GTPBP10: variants seen among roughly 807,000 people sequenced by gnomAD.
GTPBP10 encodes the protein GTP-binding protein 10.
A neutral mutation model predicts 44.8 loss-of-function variants in GTPBP10; 38 were observed. That is an observed-to-expected ratio of 0.85 (90% CI 0.65 to 1.11). The LOEUF (loss-of-function observed/expected upper bound fraction) is 1.11, where lower values mean the gene tolerates loss of function less well. Among genes scored for constraint, GTPBP10 ranks in the 50% most tolerant of loss-of-function variants. GTPBP10 has a pLI of 0.00. For synonymous variants in GTPBP10, 152 were observed against 150.6 expected (o/e 1.01, Z -0.07); for missense variants, 462 against 453.7 (o/e 1.02, Z -0.17).
chr7:90,388,920 G>A lies in GTPBP10; in HGVS notation c.*3766G>A, dbSNP rs1003549633. Reference sequence around the variant, plus strand: ...ATCTACAAATTTGCATTGTCATTAAGATATATTAAAAATAATTTTTCAAAG... The same window carrying A: ...ATCTACAAATTTGCATTGTCATTAAAATATATTAAAAATAATTTTTCAAAG... On this transcript the variant is annotated 3_prime_UTR_variant, in exon 10 of 10. Coordinates refer to ENST00000222511, the MANE Select transcript of GTPBP10 (RefSeq NM_033107.4). 3 of 152,128 alleles carry A rather than the reference G, an allele frequency of 2.0e-5. No individual in the cohort carries two copies. The highest frequency in any genetic ancestry group is 7.2e-5 in the African/African-American group (3 of 41,418). The allele number at this position is 152,128 out of a possible 1,614,324, so 9.4% of individuals were successfully genotyped here.
At chr7:90,372,435 C>T (rs1280034150) in intron 5 of GTPBP10, among the ~76,000 whole-genome samples, 3 of 145,276 alleles carry the variant, frequency 2.1e-5, no homozygotes, top group Admixed American at 6.9e-5. Context: ...CTGCATCAGC[C>T]TCCCATGTAG....
At chr7:90,369,496 A>G (rs1796212162) in intron 4 of GTPBP10, among the ~76,000 whole-genome samples, 2 of 152,108 alleles carry the variant, frequency 1.3e-5, no homozygotes, top group East Asian at 1.9e-4. Flanking sequence ...TGTCAGCACA[A>G]AACCGCCTCC....
At chr7:90,373,845 A>G in intron 5 of GTPBP10, among the ~76,000 whole-genome samples, 1 of 152,174 alleles carries the variant, frequency 6.6e-6, no homozygotes, top group East Asian at 1.9e-4. Flanking sequence ...AATACTATTT[A>G]TTCATTTATT....
At chr7:90,368,620 G>T (rs1029817880) in intron 4 of GTPBP10, among the ~76,000 whole-genome samples, 4 of 152,058 alleles carry the variant, frequency 2.6e-5, no homozygotes, top group African/African-American at 4.8e-5. Context: ...CGAAGTTCTC[G>T]TGCTGTGGTT....
At position 90,388,724 on chromosome 7, in the gene GTPBP10, A is replaced by G. The variant is rs1311031050; in HGVS notation, c.*3570A>G. The G allele has an allele frequency of 2.0e-5, 3 of 152,160 alleles. No homozygotes were observed. The highest frequency in any genetic ancestry group is 4.4e-5 in the Non-Finnish European group (3 of 68,004). The allele number at this position is 152,160 out of a possible 1,614,324, so 9.4% of individuals were successfully genotyped here. On this transcript the variant is annotated 3_prime_UTR_variant, in exon 10 of 10. Transcript: ENST00000222511. Reference sequence around the variant, plus strand: ...CTTGTAAAGTTATGTGTTTTCTTTTATCTCAGTGCTTATTTGCTTTGCAAG... The same window carrying G: ...CTTGTAAAGTTATGTGTTTTCTTTTGTCTCAGTGCTTATTTGCTTTGCAAG...
At chr7:90,367,205 C>T (rs963810799) in intron 4 of GTPBP10, among the ~76,000 whole-genome samples, 1 of 152,022 alleles carries the variant, frequency 6.6e-6, no homozygotes, top group Non-Finnish European at 1.5e-5. Context: ...TTTTACTTCT[C>T]ATTATATGGT....
chr7:90,360,710 ATC>A (rs937866523), intron 4 of GTPBP10, among the ~76,000 whole-genome samples: 21 of 152,266 alleles, frequency 1.4e-4, no homozygotes, highest in African/African-American at 4.6e-4. Flanking sequence ...CTGGCATTGA[ATC>A]TATAAATTAC....
intron 4 of GTPBP10, among the ~76,000 whole-genome samples, chr7:90,363,482 T>C (rs1177456266): frequency 6.6e-6 from 1 of 152,254 alleles, no homozygotes; most frequent in Non-Finnish European, 1.5e-5. Context: ...TTCTGGCTTT[T>C]AGAGTTTCTG....
intron 2 of GTPBP10, 30 bp from the exon 3 acceptor site, chr7:90,354,428 A>G (rs1347775486): frequency 1.7e-6 from 2 of 1,162,090 alleles, no homozygotes; most frequent in East Asian, 2.5e-5. Context: ...ACACACACAT[A>G]CATACATATA....
chr7:90,349,285 G>C (rs559080856), intron 1 of GTPBP10, among the ~76,000 whole-genome samples: 1 of 151,940 alleles, frequency 6.6e-6, no homozygotes, highest in South Asian at 2.1e-4. Flanking sequence ...AATCCTTTTC[G>C]TAGAAAATCA....
intron 4 of GTPBP10, among the ~76,000 whole-genome samples, 167 bp downstream of exon 4, chr7:90,355,397 AAC>A (rs1202017093): frequency 6.6e-6 from 1 of 152,180 alleles, no homozygotes; most frequent in Non-Finnish European, 1.5e-5. Context: ...TCAAATTGCC[AAC>A]ACAGAGTTTC....
chr7:90,368,513 T>C (rs1412124970), intron 4 of GTPBP10, among the ~76,000 whole-genome samples: 1 of 152,184 alleles, frequency 6.6e-6, no homozygotes, highest in African/African-American at 2.4e-5. Context: ...TCTAATTTTG[T>C]CTTCTCGCTT....
chr7:90,353,582 AT>A (rs996884858), intron 2 of GTPBP10, among the ~76,000 whole-genome samples: 14 of 151,602 alleles, frequency 9.2e-5, no homozygotes, highest in African/African-American at 1.9e-4. Flanking sequence ...GTTATTGTTG[AT>A]TTTTTTTTCC....
Position 90,346,740 on chromosome 7 carries a change from C to G in GTPBP10, c.-2C>G. The stretch of plus-strand genomic sequence containing the variant: ...AAGAAGGTTTCCTGGCCTGTTGCAG[C>G]CATGGTGCATTGCAGTTGCGTGTTG... On this transcript the variant is annotated 5_prime_UTR_variant, in exon 1 of 10. Coordinates refer to ENST00000222511, the MANE Select transcript of GTPBP10 (RefSeq NM_033107.4). 2 of 1,614,214 alleles carry G rather than the reference C, an allele frequency of 1.2e-6. No individual in the cohort carries two copies. Among genetic ancestry groups the G allele is most frequent in the Non-Finnish European group, 1.7e-6 (2 of 1,180,012 alleles).
chr7:90,382,562 C>T (rs567095059), intron 8 of GTPBP10, among the ~76,000 whole-genome samples: 1 of 152,272 alleles, frequency 6.6e-6, no homozygotes, highest in East Asian at 1.9e-4. Flanking sequence ...TTTACTTGTG[C>T]TTTTCATGTT....
chr7:90,384,585 C>A (rs1243335252), intron 9 of GTPBP10, among the ~76,000 whole-genome samples: 1 of 150,750 alleles, frequency 6.6e-6, no homozygotes, highest in Non-Finnish European at 1.5e-5. Flanking sequence ...TGCTGCCTTG[C>A]CTTATTTAAC....
chr7:90,370,617 A>T (rs1274342824), intron 4 of GTPBP10, among the ~76,000 whole-genome samples: 1 of 152,196 alleles, frequency 6.6e-6, no homozygotes, highest in Non-Finnish European at 1.5e-5. Flanking sequence ...TGATGGGTAC[A>T]CTAAAATCCT....
intron 3 of GTPBP10, 80 bp from the exon 4 acceptor site, chr7:90,355,006 G>T: frequency 1.1e-6 from 1 of 869,758 alleles, no homozygotes; most frequent in Admixed American, 2.8e-5. Context: ...TTCTTTGCCT[G>T]TATTTCTGAA....
intron 9 of GTPBP10, among the ~76,000 whole-genome samples, chr7:90,383,432 C>T (rs911847133): frequency 6.6e-6 from 1 of 152,194 alleles, no homozygotes; most frequent in African/African-American, 2.4e-5. Flanking sequence ...ACATACTTCA[C>T]AAGCTCTTCA....
Sources: gnomAD v4.1 joint callset for allele counts (sites outside exome capture counted in the v4.1 genomes callset) on GRCh38, gnomAD v4.1.1 for gene constraint, MANE v1.5 for transcripts, NCBI Gene and HGNC (gene_info 2026-07-23, HGNC 2026-07-21) for gene names.